Variants in CDH12 observed in about 807,000 individuals in gnomAD.
The protein encoded by CDH12 is cadherin-12.
A neutral mutation model predicts 74.1 loss-of-function variants in CDH12; 41 were observed. The ratio of observed to expected loss-of-function variants is 0.55; its 90% CI spans 0.43 to 0.72. The LOEUF (loss-of-function observed/expected upper bound fraction) is 0.72. Among genes scored for constraint, CDH12 ranks in the 30% least tolerant of loss-of-function variants. The probability of loss-of-function intolerance (pLI) is 0.00; values close to 1 mark genes in which losing one functional copy is unlikely to be tolerated. For missense variants in CDH12, 945 were observed against 977.2 expected, an observed-to-expected ratio of 0.97 and a Z score of 0.44; for synonymous variants, 399 against 355.0, an observed-to-expected ratio of 1.12 and a Z score of -1.39.
intron 4 of CDH12, among the ~76,000 whole-genome samples, chr5:22,093,724 T>C (rs549738424): frequency 8.5e-5 from 13 of 152,252 alleles, no homozygotes; most frequent in African/African-American, 2.4e-4. Context: ...GTGAATATAG[T>C]AATAAAAATT....
intron 6 of CDH12, among the ~76,000 whole-genome samples, chr5:21,924,537 CATAAATAAATAA>C (rs70957079): frequency 2.2e-3 from 335 of 151,188 alleles, no homozygotes; most frequent in Non-Finnish European, 3.5e-3. Context: ...TACATGAATA[CATAAATAAATAA>C]ATAAATAAAT....
At chr5:22,457,888 G>A (rs889976462) in intron 2 of CDH12, among the ~76,000 whole-genome samples, 1 of 152,118 alleles carries the variant, frequency 6.6e-6, no homozygotes, top group African/African-American at 2.4e-5. Flanking sequence ...GGGATTACAG[G>A]TGCCCGCCAC....
chr5:21,843,313 T>C (rs576792381), intron 7 of CDH12, among the ~76,000 whole-genome samples: 1 of 152,082 alleles, frequency 6.6e-6, no homozygotes, highest in African/African-American at 2.4e-5. Flanking sequence ...CAAAAATAAA[T>C]CAACCATCAA....
At chr5:22,162,086 A>C (rs1748385180) in intron 4 of CDH12, among the ~76,000 whole-genome samples, 1 of 150,284 alleles carries the variant, frequency 6.7e-6, no homozygotes, top group South Asian at 2.1e-4. Context: ...CACCCTTTAC[A>C]CAGTTTTTCA....
At chr5:22,487,358 A>G (rs1746650495) in intron 2 of CDH12, among the ~76,000 whole-genome samples, 1 of 152,194 alleles carries the variant, frequency 6.6e-6, no homozygotes, top group Non-Finnish European at 1.5e-5. Flanking sequence ...TTATTAGAGT[A>G]TATAGTGGAC....
At chr5:22,823,363 T>C (rs185389772) in intron 1 of CDH12, among the ~76,000 whole-genome samples, 48 of 152,020 alleles carry the variant, frequency 3.2e-4, no homozygotes, top group Non-Finnish European at 3.5e-4. Context: ...TGCACATCTA[T>C]CCTAAAACTT....
chr5:22,597,547 C>G, intron 1 of CDH12, among the ~76,000 whole-genome samples: 1 of 152,142 alleles, frequency 6.6e-6, no homozygotes, highest in Non-Finnish European at 1.5e-5. Flanking sequence ...ATTATTCATA[C>G]CTCAACTCAA....
intron 1 of CDH12, among the ~76,000 whole-genome samples, chr5:22,597,564 G>C (rs543104018): frequency 6.6e-6 from 1 of 152,188 alleles, no homozygotes. Flanking sequence ...TCAAAAGATT[G>C]ATTATCTTCA....
At chr5:22,690,197 C>T (rs1742008988) in intron 1 of CDH12, among the ~76,000 whole-genome samples, 1 of 152,008 alleles carries the variant, frequency 6.6e-6, no homozygotes, top group Admixed American at 6.6e-5. Flanking sequence ...GTGTTGTATA[C>T]CATGAAACAT....
At chr5:22,586,573 A>AAAATC (rs2126792005) in intron 1 of CDH12, among the ~76,000 whole-genome samples, 1 of 151,540 alleles carries the variant, frequency 6.6e-6, no homozygotes, top group African/African-American at 2.4e-5. Context: ...AAAATTATTG[A>AAAATC]AAATCAAATG....
intron 1 of CDH12, among the ~76,000 whole-genome samples, chr5:22,728,173 C>T (rs1028406298): frequency 1.5e-4 from 23 of 151,570 alleles, no homozygotes; most frequent in Admixed American, 5.3e-4. Context: ...TATCTATTTA[C>T]TTTAAAAGCT....
At chr5:21,850,602 G>A (rs776060682) in intron 7 of CDH12, among the ~76,000 whole-genome samples, 7 of 151,370 alleles carry the variant, frequency 4.6e-5, no homozygotes, top group Non-Finnish European at 8.9e-5. Flanking sequence ...GAATAATATC[G>A]GTCAAGCTAT....
chr5:21,764,936 G>C, intron 12 of CDH12, 42 bp downstream of exon 12: 1 of 1,600,740 alleles, frequency 6.2e-7, no homozygotes, highest in Non-Finnish European at 8.5e-7. Context: ...ACATGCATAT[G>C]GTGGGTCTTT....
At chr5:21,883,894 G>T (rs1752491742) in intron 6 of CDH12, 2 of 1,606,468 alleles carry the variant, frequency 1.2e-6, no homozygotes, top group Non-Finnish European at 1.7e-6. Context: ...GTTGAAGGAG[G>T]CATTGTTTTG....
intron 3 of CDH12, among the ~76,000 whole-genome samples, chr5:22,277,524 G>A (rs942083116): frequency 2.0e-5 from 3 of 151,836 alleles, no homozygotes; most frequent in African/African-American, 4.8e-5. Flanking sequence ...TGTGACAGAC[G>A]TATGTTCTGA....
Position 22,713,054 on chromosome 5 carries a change from C to T in CDH12, c.-523+140004G>A, listed in dbSNP as rs977538996. Among the ~76,000 whole-genome samples the T allele has an allele frequency of 3.3e-5, 5 of 150,056 alleles. No individual in the cohort carries two copies. The South Asian group carries it at 1.1e-3, about 32-fold the overall frequency. On this transcript the variant is annotated intron_variant, in intron 1 of 14. Transcript: ENST00000382254. ...TTGGCATACATCAGAGAATACTTAA[C>T]GATTATCAAGTTTCAGAGATAGACT...
chr5:22,302,919 T>A (rs1220857426), intron 3 of CDH12, among the ~76,000 whole-genome samples: 1 of 152,122 alleles, frequency 6.6e-6, no homozygotes, highest in Admixed American at 6.5e-5. Flanking sequence ...AATATCATGT[T>A]AACCATTAGA....
chr5:22,837,337 C>A (rs114400648), intron 1 of CDH12, among the ~76,000 whole-genome samples: 1 of 151,924 alleles, frequency 6.6e-6, no homozygotes, highest in African/African-American at 2.4e-5. Context: ...GAGCCCAGCA[C>A]GTTGAGGCTA....
chr5:21,757,853 G>A, intron 13 of CDH12, among the ~76,000 whole-genome samples: 1 of 152,136 alleles, frequency 6.6e-6, no homozygotes, highest in Non-Finnish European at 1.5e-5. Context: ...TACACATATT[G>A]AATCTAGGGC....
Sources: gnomAD v4.1 joint callset for allele counts (sites outside exome capture counted in the v4.1 genomes callset) on GRCh38, gnomAD v4.1.1 for gene constraint, MANE v1.5 for transcripts, NCBI Gene and HGNC (gene_info 2026-07-23, HGNC 2026-07-21) for gene names.